NDUFS4: variants seen among roughly 807,000 people sequenced by gnomAD.
NDUFS4 encodes the protein NADH dehydrogenase [ubiquinone] iron-sulfur protein 4, mitochondrial.
NDUFS4 carries 28 observed loss-of-function variants against 24.3 expected under a neutral mutation model. That is an observed-to-expected ratio of 1.15 (90% CI 0.85 to 1.58). The LOEUF (loss-of-function observed/expected upper bound fraction) is 1.58. Among genes scored for constraint, NDUFS4 ranks in the 40% most tolerant of loss-of-function variants. NDUFS4 has a pLI of 0.00. For synonymous variants in NDUFS4, 93 were observed against 69.7 expected, an observed-to-expected ratio of 1.34 and a Z score of -1.67; for missense variants, 223 against 207.9, an observed-to-expected ratio of 1.07 and a Z score of -0.45.
intron 4 of NDUFS4, among the ~76,000 whole-genome samples, chr5:53,677,030 G>A (rs891556920): frequency 1.3e-5 from 2 of 152,066 alleles, no homozygotes; most frequent in African/African-American, 4.8e-5. Context: ...CAAATCTCTG[G>A]AAGTGGTTTT....
At chr5:53,575,159 G>A (rs1282885954) in intron 1 of NDUFS4, among the ~76,000 whole-genome samples, 1 of 152,190 alleles carries the variant, frequency 6.6e-6, no homozygotes, top group Non-Finnish European at 1.5e-5. Flanking sequence ...GAGGCCGAGT[G>A]CTTCTGGAGA....
intron 1 of NDUFS4, among the ~76,000 whole-genome samples, chr5:53,579,339 A>C (rs1271265126): frequency 6.6e-6 from 1 of 152,308 alleles, no homozygotes; most frequent in East Asian, 1.9e-4. Context: ...ATAATAGCCA[A>C]ATGAATTCTT....
chr5:53,572,677 C>T (rs1749250681), intron 1 of NDUFS4, among the ~76,000 whole-genome samples: 1 of 151,168 alleles, frequency 6.6e-6, no homozygotes, highest in Non-Finnish European at 1.5e-5. Context: ...GGAGTCTCGC[C>T]CTGTTGCCCA....
chr5:53,626,090 A>G (rs749490571), intron 2 of NDUFS4, among the ~76,000 whole-genome samples: 5 of 151,916 alleles, frequency 3.3e-5, no homozygotes, highest in Admixed American at 6.6e-5. Context: ...CCTGTGTCCA[A>G]GTGTTCTCAT....
chr5:53,676,769 T>TGTC (rs1281410735), intron 4 of NDUFS4, among the ~76,000 whole-genome samples: 1 of 152,208 alleles, frequency 6.6e-6, no homozygotes, highest in African/African-American at 2.4e-5. Context: ...ATTCTCCACA[T>TGTC]GTCACAAATG....
At chr5:53,584,456 A>G (rs1407646094) in intron 1 of NDUFS4, among the ~76,000 whole-genome samples, 1 of 151,930 alleles carries the variant, frequency 6.6e-6, no homozygotes, top group Non-Finnish European at 1.5e-5. Context: ...CCTGGGTTCA[A>G]GTGATTCTTC....
intron 2 of NDUFS4, among the ~76,000 whole-genome samples, chr5:53,638,094 G>A (rs1271011420): frequency 6.6e-6 from 1 of 152,048 alleles, no homozygotes; most frequent in East Asian, 1.9e-4. Context: ...AATTATGACT[G>A]ATAGCATTAC....
intron 1 of NDUFS4, among the ~76,000 whole-genome samples, chr5:53,595,812 C>T (rs572164243): frequency 1.3e-5 from 2 of 152,236 alleles, no homozygotes; most frequent in African/African-American, 2.4e-5. Context: ...GAGCTGTGTC[C>T]AGACACACAA....
intron 1 of NDUFS4, among the ~76,000 whole-genome samples, chr5:53,581,662 T>G (rs1272899962): frequency 6.6e-6 from 1 of 152,142 alleles, no homozygotes; most frequent in Non-Finnish European, 1.5e-5. Context: ...TGTTTATCCT[T>G]CAGGTGGCAG....
chr5:53,683,044 C>G (rs533640227), intron 4 of NDUFS4, 74 bp from the exon 5 acceptor site: 2 of 958,352 alleles, frequency 2.1e-6, no homozygotes, highest in Non-Finnish European at 3.4e-6. Context: ...AAAAGCTAGC[C>G]TCTGCTTGCT....
chr5:53,609,163 C>T (rs1371502907), intron 2 of NDUFS4, among the ~76,000 whole-genome samples: 1 of 152,136 alleles, frequency 6.6e-6, no homozygotes, highest in Non-Finnish European at 1.5e-5. Flanking sequence ...GGAATCCTTT[C>T]CGGAAGGTTT....
chr5:53,603,475 G>C lies in NDUFS4; in HGVS notation c.122G>C (p.Arg41Thr). ...AGGTCGTTGAGGACTTCCACATGGA[G>C]ATTGGCACAGGACCAGACTCAAGAC... ...PTRSLRTSTW[R>T]LAQDQTQDTQ... Residue 41 changes from arginine to threonine, a missense_variant, in exon 2 of 5, where the codon AGA becomes ACA. Transcript: ENST00000296684. 1.2e-6 allele frequency: 2 copies of C among 1,613,734 alleles called. No individual in the cohort carries two copies. Among genetic ancestry groups the C allele is most frequent in the South Asian group, 2.2e-5 (2 of 91,070 alleles).
intron 1 of NDUFS4, among the ~76,000 whole-genome samples, chr5:53,594,249 C>A (rs1428843394): frequency 2.8e-4 from 42 of 152,116 alleles, no homozygotes; most frequent in Admixed American, 2.7e-3. Flanking sequence ...ACGATTGTTA[C>A]ATCTTGTTGG....
At chr5:53,586,300 G>A (rs1049297400) in intron 1 of NDUFS4, among the ~76,000 whole-genome samples, 32 of 145,574 alleles carry the variant, frequency 2.2e-4, no homozygotes, top group African/African-American at 7.3e-4. Flanking sequence ...TTGTACTTAA[G>A]CCTGGGCGAC....
chr5:53,572,354 G>A (rs1440708509), intron 1 of NDUFS4, among the ~76,000 whole-genome samples: 2 of 152,120 alleles, frequency 1.3e-5, no homozygotes, highest in Non-Finnish European at 2.9e-5. Flanking sequence ...AAGGGATGGG[G>A]GAAGAAGGTC....
chr5:53,570,433 T>C (rs946327220), intron 1 of NDUFS4, among the ~76,000 whole-genome samples: 1 of 152,226 alleles, frequency 6.6e-6, no homozygotes, highest in Non-Finnish European at 1.5e-5. Flanking sequence ...GAAGGACATA[T>C]GAATTATTTC....
At chr5:53,613,275 A>G (rs964705312) in intron 2 of NDUFS4, among the ~76,000 whole-genome samples, 4 of 152,088 alleles carry the variant, frequency 2.6e-5, no homozygotes, top group African/African-American at 7.2e-5. Flanking sequence ...TTCTTGTGCA[A>G]AAATTTCAAG....
chr5:53,641,880 AT>A (rs1169943382), intron 2 of NDUFS4, among the ~76,000 whole-genome samples: 1 of 152,138 alleles, frequency 6.6e-6, no homozygotes, highest in Admixed American at 6.6e-5. Context: ...CAGTCATCAA[AT>A]TTAGATTAGT....
chr5:53,605,351 G>T (rs112002837), intron 2 of NDUFS4, among the ~76,000 whole-genome samples: 62 of 152,240 alleles, frequency 4.1e-4, no homozygotes, highest in African/African-American at 1.3e-3. Flanking sequence ...TTAACTCTCA[G>T]GAGGTTGCCT....
Sources: gnomAD v4.1 joint callset for allele counts (sites outside exome capture counted in the v4.1 genomes callset) on GRCh38, gnomAD v4.1.1 for gene constraint, MANE v1.5 for transcripts, NCBI Gene and HGNC (gene_info 2026-07-23, HGNC 2026-07-21) for gene names.